Variants in ZBTB8B observed in about 807,000 individuals in gnomAD.
The protein encoded by ZBTB8B is zinc finger and BTB domain-containing protein 8B.
Under a neutral mutation model 30.3 loss-of-function variants are expected in ZBTB8B, and 17 were observed. That is an observed-to-expected ratio of 0.56 (90% CI 0.38 to 0.84). ZBTB8B has a LOEUF of 0.84. Ranked by LOEUF, ZBTB8B falls within the 40% of genes least tolerant of loss-of-function variation. ZBTB8B has a pLI of 0.00. For missense variants in ZBTB8B, 515 were observed against 644.9 expected (o/e 0.80, Z 2.18); for synonymous variants, 248 against 255.6 (o/e 0.97, Z 0.28).
rs143843327 is a variant in ZBTB8B, at chr1:32,483,120, G to A, written c.1171-1981G>A. ...AAAGATAGTTCCTAGGCCCAGCACG[G>A]TGGCTCACACCTGTAATCCCAGCAC... On this transcript the variant is annotated intron_variant, in intron 3 of 3. Coordinates refer to ENST00000609129, the MANE Select transcript of ZBTB8B (RefSeq NM_001145720.2). 9.1e-3 allele frequency among the ~76,000 whole-genome samples: 1,388 copies of A among 151,844 alleles called. 17 individuals are homozygous for A. Among genetic ancestry groups the A allele is most frequent in the African/African-American group, 0.03 (1,253 of 41,390 alleles).
At chr1:32,474,335 C>A in intron 2 of ZBTB8B, among the ~76,000 whole-genome samples, 1 of 83,004 alleles carries the variant, frequency 1.2e-5, no homozygotes, top group Non-Finnish European at 2.2e-5. Flanking sequence ...GGCAAAACCC[C>A]ATCTCTACAA....
At position 32,467,095 on chromosome 1, in the gene ZBTB8B, G is replaced by A. The variant is rs150449354; in HGVS notation, c.-42+1990G>A. ...TTGCTTGAGCCTGGGAGGTCGAGGC[G>A]GCAGTGAACTGTGATCATGGACTGC... is the stretch of plus-strand genomic sequence containing the variant. On this transcript the variant is annotated intron_variant, in intron 1 of 3. Coordinates refer to ENST00000609129, the MANE Select transcript of ZBTB8B (RefSeq NM_001145720.2). 3.0e-3 allele frequency among the ~76,000 whole-genome samples: 452 copies of A among 152,110 alleles called. 4 individuals carry two copies. Among genetic ancestry groups the A allele is most frequent in the African/African-American group, 0.01 (422 of 41,486 alleles).
At chr1:32,478,575 T>C (rs927871928) in intron 2 of ZBTB8B, among the ~76,000 whole-genome samples, 2 of 152,168 alleles carry the variant, frequency 1.3e-5, no homozygotes, top group Non-Finnish European at 2.9e-5. Context: ...GTGTGAGCAG[T>C]CAGAGATTTA....
At position 32,471,193 on chromosome 1, in the gene ZBTB8B, G is replaced by C. The variant is rs1458224245; in HGVS notation, c.569G>C (p.Arg190Thr). ...AEGEKSVECL[R>T]ESPCGDCGDC... ...GGAGAAAAGAGCGTGGAGTGCCTGAGAGAGTCCCCTTGCGGTGACTGCGGA... is the reference window on the plus strand; with the variant it reads ...GGAGAAAAGAGCGTGGAGTGCCTGACAGAGTCCCCTTGCGGTGACTGCGGA... The change falls in exon 2 of 4, where the codon AGA (arginine) becomes ACA (threonine). Residue 190 changes from arginine (R) to threonine (T), a missense_variant. Around this residue, in one of 3 missense-constraint regions of ZBTB8B, gnomAD observed 429 missense variants for 504.3 expected, o/e 0.85. Coordinates refer to ENST00000609129, the MANE Select transcript of ZBTB8B (RefSeq NM_001145720.2). 6.4e-7 allele frequency: 1 copy of C among 1,551,942 alleles called. No individual in the cohort carries two copies.
At chr1:32,468,922 G>T (rs1457944587) in intron 1 of ZBTB8B, among the ~76,000 whole-genome samples, 1 of 152,078 alleles carries the variant, frequency 6.6e-6, no homozygotes, top group Non-Finnish European at 1.5e-5. Flanking sequence ...GGGTGTGGTG[G>T]CTTATGCTTG....
Position 32,475,816 on chromosome 1 carries a change from G to GTT in ZBTB8B, c.991+4220_991+4221dup, listed in dbSNP as rs1331933358. On this transcript the variant is annotated intron_variant, in intron 2 of 3. Transcript: ENST00000609129. ...AAAACCTTAAATGCAAAGAGGGGAG[G>GTT]TTTTTTTTTTTTTTTTTTTTAGACA... is the stretch of plus-strand genomic sequence containing the variant. Among the ~76,000 whole-genome samples the GTT allele has an allele frequency of 8.7e-3, 1,096 of 125,804 alleles. 20 individuals carry two copies. The highest frequency in any genetic ancestry group is 0.03 in the African/African-American group (1,003 of 33,802). 82.5% of individuals were successfully genotyped at this position (125,804 alleles called of 152,430 possible). A position where few individuals can be genotyped will look rare whatever the true frequency, so the allele number is the denominator to read the frequency against.
chr1:32,485,209 G>A lies in ZBTB8B; in HGVS notation c.1279G>A (p.Val427Ile), dbSNP rs373761411. ...RFGLCDSCTC[V>I]TDTPDDDDDL... is the part of the protein sequence containing the mutation. Reference sequence around the variant, plus strand: ...CGGGCTGTGTGACAGCTGCACCTGCGTTACAGACACACCCGATGATGATGA... The same window carrying A: ...CGGGCTGTGTGACAGCTGCACCTGCATTACAGACACACCCGATGATGATGA... The change falls in exon 4 of 4, where the codon GTT becomes ATT. Residue 427 changes from valine to isoleucine, a missense_variant. Transcript: ENST00000609129. 167 of 1,551,802 alleles carry A rather than the reference G, an allele frequency of 1.1e-4. No homozygotes were observed. The highest frequency in any genetic ancestry group is 1.4e-4 in the Admixed American group (7 of 50,968).
At chr1:32,466,950 T>C (rs1271652690) in intron 1 of ZBTB8B, among the ~76,000 whole-genome samples, 1 of 152,102 alleles carries the variant, frequency 6.6e-6, no homozygotes, top group African/African-American at 2.4e-5. Context: ...TCAAGACCAT[T>C]GAGACCAGCC....
chr1:32,488,617 G>C lies in ZBTB8B; in HGVS notation c.*3199G>C, dbSNP rs986529513. 4 of 152,132 alleles carry C rather than the reference G, an allele frequency of 2.6e-5. No individual in the cohort carries two copies. The highest frequency in any genetic ancestry group is 9.7e-5 in the African/African-American group (4 of 41,422). The allele number at this position is 152,132 out of a possible 1,614,324, so 9.4% of individuals were successfully genotyped here. The stretch of plus-strand genomic sequence containing the variant: ...CAAACATCCTGAAATGCACAGGACA[G>C]TCCCCACAACAATGAATTCTCCAAT... On this transcript the variant is annotated 3_prime_UTR_variant, in exon 4 of 4. Transcript: ENST00000609129.
In ZBTB8B at chr1:32,471,480, C is replaced by T. The variant is rs188525493; in HGVS notation, c.856C>T (p.Arg286Cys). Residue 286 changes from arginine to cysteine, a missense_variant, in exon 2 of 4, where the codon CGC (arginine) becomes TGC (cysteine). Arg to Cys is a radical substitution (Grantham distance 180). Transcript: ENST00000609129. Reference sequence around the variant, plus strand: ...GAAGCAGTTCCTGGAGGCGCTCTTGCGCAACAGCGCTGCCCCGAGCAAGGA... The same window carrying T: ...GAAGCAGTTCCTGGAGGCGCTCTTGTGCAACAGCGCTGCCCCGAGCAAGGA... ...HVKQFLEALL[R>C]NSAAPSKDDA... The T allele has an allele frequency of 4.1e-5, 63 of 1,551,818 alleles. No individual in the cohort carries two copies. The East Asian group carries it at 7.8e-4, about 19-fold the overall frequency.
Position 32,481,839 on chromosome 1 carries a change from A to G in ZBTB8B, c.1170+770A>G, listed in dbSNP as rs184931301. ...AGTTCTCATCATTTAGCTCCCACTT[A>G]TAAGTGAGAACATGTTGTATTTGGT... On this transcript the variant is annotated intron_variant, in intron 3 of 3. Transcript: ENST00000609129. 3.5e-3 allele frequency among the ~76,000 whole-genome samples: 537 copies of G among 152,250 alleles called. 3 individuals are homozygous for G. Among genetic ancestry groups the G allele is most frequent in the Non-Finnish European group, 3.6e-3 (245 of 68,020 alleles).
At chr1:32,472,012 T>C (rs1244911435) in intron 2 of ZBTB8B, among the ~76,000 whole-genome samples, 1 of 151,328 alleles carries the variant, frequency 6.6e-6, no homozygotes, top group Non-Finnish European at 1.5e-5. Context: ...ACCATCATCA[T>C]CACTACCATC....
At chr1:32,468,454 A>G (rs1428735069) in intron 1 of ZBTB8B, among the ~76,000 whole-genome samples, 1 of 152,204 alleles carries the variant, frequency 6.6e-6, no homozygotes, top group Non-Finnish European at 1.5e-5. Context: ...TAATTTTATT[A>G]GCCTACATTA....
At chr1:32,469,402 G>A (rs1358983981) in intron 1 of ZBTB8B, among the ~76,000 whole-genome samples, 1 of 151,684 alleles carries the variant, frequency 6.6e-6, no homozygotes, top group East Asian at 1.9e-4. Context: ...CCGCCACCAC[G>A]CCTGGCTAAT....
In ZBTB8B at chr1:32,487,829, C is replaced by T. The variant is rs1187104285; in HGVS notation, c.*2411C>T. On this transcript the variant is annotated 3_prime_UTR_variant, in exon 4 of 4. Transcript: ENST00000609129. ...CTCCAGCCTGGGCAACAGTGTGAGA[C>T]CTTGTCTCAAAAAAATAATAATAAA... The T allele has an allele frequency of 3.3e-5, 5 of 149,338 alleles. No homozygotes were observed. The highest frequency in any genetic ancestry group is 7.4e-5 in the Non-Finnish European group (5 of 67,204). 9.3% of individuals were successfully genotyped at this position (149,338 alleles called of 1,614,324 possible).
intron 1 of ZBTB8B, among the ~76,000 whole-genome samples, chr1:32,467,036 A>G (rs1048122335): frequency 6.6e-6 from 1 of 152,150 alleles, no homozygotes; most frequent in African/African-American, 2.4e-5. Flanking sequence ...GCATGCCTGT[A>G]GTCACAGCTA....
intron 2 of ZBTB8B, among the ~76,000 whole-genome samples, chr1:32,478,973 G>A (rs1319066850): frequency 6.6e-6 from 1 of 152,188 alleles, no homozygotes; most frequent in African/African-American, 2.4e-5. Flanking sequence ...TATGCTTTAT[G>A]TGTTACTTTA....
chr1:32,469,697 C>T (rs1208173249), intron 1 of ZBTB8B, among the ~76,000 whole-genome samples: 1 of 152,098 alleles, frequency 6.6e-6, no homozygotes, highest in Admixed American at 6.5e-5. Flanking sequence ...CATCTCCTAC[C>T]CTCAATTTCC....
chr1:32,476,898 C>G (rs1000794463), intron 2 of ZBTB8B, among the ~76,000 whole-genome samples: 4 of 152,136 alleles, frequency 2.6e-5, no homozygotes, highest in Admixed American at 2.6e-4. Flanking sequence ...CTGTTGTATC[C>G]CCAGGACCCT....
Sources: allele counts gnomAD v4.1 joint callset (sites outside exome capture counted in the v4.1 genomes callset), GRCh38; gene constraint gnomAD v4.1.1; regional missense constraint gnomAD v4.1.1; transcripts MANE v1.5; gene names NCBI Gene and HGNC (gene_info 2026-07-23, HGNC 2026-07-21).